Variants in PDE10A observed in about 807,000 individuals in gnomAD.
The protein encoded by PDE10A is phosphodiesterase 10A.
In PDE10A, 39 loss-of-function variants were observed where a neutral mutation model predicts 97.7. That is an observed-to-expected ratio of 0.40 (90% CI 0.31 to 0.52). The LOEUF is 0.52. Among genes scored for constraint, PDE10A ranks in the 20% least tolerant of loss-of-function variants. The pLI is 0.56. For missense variants in PDE10A, 731 were observed against 1,047.8 expected (o/e 0.70, Z 4.17); for synonymous variants, 371 against 376.8 (o/e 0.98, Z 0.18).
chr6:165,536,839 T>G (rs975471188), intron 2 of PDE10A, among the ~76,000 whole-genome samples: 2 of 151,988 alleles, frequency 1.3e-5, no homozygotes, highest in African/African-American at 4.8e-5. Context: ...GCTCGTACGC[T>G]ATTGGTAGGA....
At chr6:165,687,209 A>G (rs1278369288) in intron 1 of PDE10A, among the ~76,000 whole-genome samples, 1 of 152,216 alleles carries the variant, frequency 6.6e-6, no homozygotes, top group Non-Finnish European at 1.5e-5. Flanking sequence ...CAGCCACGTC[A>G]CCACCACAGC....
chr6:165,604,458 G>C (rs117406557), intron 1 of PDE10A, among the ~76,000 whole-genome samples: 71 of 149,184 alleles, frequency 4.8e-4, no homozygotes, highest in Non-Finnish European at 1.5e-5. Flanking sequence ...ACATGCCCAC[G>C]TGAGTGTCCA....
intron 1 of PDE10A, among the ~76,000 whole-genome samples, chr6:165,585,480 A>T (rs1309303923): frequency 6.6e-6 from 1 of 152,202 alleles, no homozygotes; most frequent in Non-Finnish European, 1.5e-5. Flanking sequence ...AATCACACGT[A>T]TCCTTAAAAG....
At chr6:165,462,243 G>C (rs935953011) in intron 3 of PDE10A, among the ~76,000 whole-genome samples, 1 of 152,204 alleles carries the variant, frequency 6.6e-6, no homozygotes, top group Non-Finnish European at 1.5e-5. Context: ...TAAAACAGCA[G>C]TTGCAAAAGG....
At chr6:165,472,032 G>A (rs1252770861) in intron 3 of PDE10A, among the ~76,000 whole-genome samples, 3 of 151,996 alleles carry the variant, frequency 2.0e-5, no homozygotes, top group Non-Finnish European at 4.4e-5. Flanking sequence ...AATAACTTGA[G>A]ATGAGTTATT....
At chr6:165,931,180 G>A (rs1440417450) in intron 1 of PDE10A, among the ~76,000 whole-genome samples, 2 of 152,184 alleles carry the variant, frequency 1.3e-5, no homozygotes, top group Admixed American at 6.5e-5. Context: ...CACTTCAGGA[G>A]TCTTTCTTGC....
At chr6:165,794,163 C>T (rs1424563078) in intron 1 of PDE10A, among the ~76,000 whole-genome samples, 1 of 151,146 alleles carries the variant, frequency 6.6e-6, no homozygotes, top group Non-Finnish European at 1.5e-5. Flanking sequence ...ACTCACTGCA[C>T]ACTCATACAC....
chr6:165,501,038 C>T (rs565950972), intron 2 of PDE10A, among the ~76,000 whole-genome samples: 18 of 152,250 alleles, frequency 1.2e-4, no homozygotes, highest in Middle Eastern at 6.8e-3. Flanking sequence ...GCCACATCCC[C>T]CTCTCCGAGA....
At chr6:165,555,934 C>T (rs998062354) in intron 1 of PDE10A, among the ~76,000 whole-genome samples, 3 of 151,994 alleles carry the variant, frequency 2.0e-5, no homozygotes, top group Admixed American at 1.3e-4. Context: ...TCCTATGTGA[C>T]GATTTTTTCA....
At chr6:165,831,958 T>A (rs1779932919) in intron 1 of PDE10A, among the ~76,000 whole-genome samples, 1 of 151,818 alleles carries the variant, frequency 6.6e-6, no homozygotes, top group Non-Finnish European at 1.5e-5. Flanking sequence ...GTGTTTTTAC[T>A]TAAAGACAAA....
At chr6:165,501,333 A>G (rs1780868829) in intron 2 of PDE10A, among the ~76,000 whole-genome samples, 1 of 152,118 alleles carries the variant, frequency 6.6e-6, no homozygotes, top group Admixed American at 6.5e-5. Context: ...AGGCCCAGGC[A>G]GGCAGATCAC....
chr6:165,954,150 C>T (rs1784057921), intron 1 of PDE10A, among the ~76,000 whole-genome samples: 1 of 152,160 alleles, frequency 6.6e-6, no homozygotes, highest in South Asian at 2.1e-4. Context: ...ATCCATTTAC[C>T]TAACCGAGGG....
intron 2 of PDE10A, among the ~76,000 whole-genome samples, chr6:165,528,330 C>T (rs1782572928): frequency 6.6e-6 from 1 of 152,164 alleles, no homozygotes; most frequent in African/African-American, 2.4e-5. Flanking sequence ...CCTCTTTCCC[C>T]AGCCACCCCT....
At chr6:165,512,209 T>C (rs958734765) in intron 2 of PDE10A, among the ~76,000 whole-genome samples, 28 of 151,912 alleles carry the variant, frequency 1.8e-4, no homozygotes, top group African/African-American at 6.0e-4. Context: ...GTTTTATACT[T>C]TTATATGTTT....
chr6:165,658,426 C>T (rs1790072145), intron 1 of PDE10A, among the ~76,000 whole-genome samples: 1 of 152,150 alleles, frequency 6.6e-6, no homozygotes, highest in South Asian at 2.1e-4. Flanking sequence ...CTTGACCAGC[C>T]GGGGTTTTCC....
intron 1 of PDE10A, chr6:165,908,683 C>A (rs1782371491): frequency 6.6e-6 from 1 of 152,262 alleles, no homozygotes; most frequent in South Asian, 2.1e-4. Flanking sequence ...AGGCAGCCTG[C>A]CAAGACAGAC....
chr6:165,803,999 A>G (rs537670241), intron 1 of PDE10A, among the ~76,000 whole-genome samples: 9 of 152,016 alleles, frequency 5.9e-5, no homozygotes, highest in African/African-American at 2.2e-4. Flanking sequence ...GGTGGCCTCT[A>G]TTTTTCTTAA....
At chr6:165,842,596 T>C (rs1016096209) in intron 1 of PDE10A, among the ~76,000 whole-genome samples, 5 of 152,266 alleles carry the variant, frequency 3.3e-5, no homozygotes, top group African/African-American at 1.2e-4. Flanking sequence ...TATGGGACTG[T>C]TGATGCTTTC....
At chr6:165,834,260 G>A in intron 1 of PDE10A, among the ~76,000 whole-genome samples, 1 of 152,208 alleles carries the variant, frequency 6.6e-6, no homozygotes, top group Admixed American at 6.5e-5. Context: ...ACCAGATGCT[G>A]GGTAGACTAA....
Sources: allele counts gnomAD v4.1 joint callset (sites outside exome capture counted in the v4.1 genomes callset), GRCh38; gene constraint gnomAD v4.1.1; transcripts MANE v1.5; gene names NCBI Gene and HGNC (gene_info 2026-07-23, HGNC 2026-07-21).